Variants in MYO9A observed in about 807,000 individuals in gnomAD.
MYO9A encodes the protein unconventional myosin-IXa.
A neutral mutation model predicts 293.3 loss-of-function variants in MYO9A; 103 were observed. The ratio of observed to expected loss-of-function variants is 0.35; its 90% CI spans 0.30 to 0.41. The LOEUF (loss-of-function observed/expected upper bound fraction) is 0.41. Among genes scored for constraint, MYO9A ranks in the 10% least tolerant of loss-of-function variants. MYO9A has a pLI of 1.00. For synonymous variants in MYO9A, 1,001 were observed against 1,035.7 expected, an observed-to-expected ratio of 0.97 and a Z score of 0.64; for missense variants, 2,685 against 3,033.0, an observed-to-expected ratio of 0.89 and a Z score of 2.69.
chr15:72,024,200 C>T (rs2077591962), intron 4 of MYO9A, among the ~76,000 whole-genome samples: 1 of 152,038 alleles, frequency 6.6e-6, no homozygotes, highest in Non-Finnish European at 1.5e-5. Flanking sequence ...GGATACTAGA[C>T]AAGATTCAAT....
chr15:72,067,182 A>G (rs1477025910), intron 1 of MYO9A, among the ~76,000 whole-genome samples: 1 of 148,876 alleles, frequency 6.7e-6, no homozygotes, highest in Non-Finnish European at 1.5e-5. Flanking sequence ...TAAATATATT[A>G]ATATTATTAC....
intron 18 of MYO9A, among the ~76,000 whole-genome samples, chr15:71,926,961 G>A (rs1262156178): frequency 6.6e-6 from 1 of 152,126 alleles, no homozygotes; most frequent in Non-Finnish European, 1.5e-5. Flanking sequence ...CGTCATCAGG[G>A]GTGGGGATGC....
intron 1 of MYO9A, among the ~76,000 whole-genome samples, chr15:72,096,302 C>T (rs1567034946): frequency 1.3e-5 from 2 of 152,118 alleles, no homozygotes; most frequent in Non-Finnish European, 2.9e-5. Flanking sequence ...CACACCACCG[C>T]ACTCCGGCCT....
chr15:71,879,780 T>A lies in MYO9A; in HGVS notation c.5680A>T (p.Lys1894Ter), dbSNP rs78631419. The change falls in exon 30 of 42, where the codon AAA (lysine) becomes TAA (stop). Residue 1894 changes from lysine (K) to a stop codon, truncating the protein, a stop_gained. Transcript: ENST00000356056. LOFTEE classifies it high-confidence loss of function. ...TGCCGAAATTCCTTCAGGGCTTTTT[T>A]AAATACAACATCCACTAGTGTATCC... ...KKDTLVDVVF[K>*]KALKEFRQNI... 1.2e-6 allele frequency: 2 copies of A among 1,613,910 alleles called. No homozygotes were observed. The highest frequency in any genetic ancestry group is 1.7e-6 in the Non-Finnish European group (2 of 1,179,888).
intron 27 of MYO9A, among the ~76,000 whole-genome samples, chr15:71,886,879 G>T (rs1461793727): frequency 6.6e-6 from 1 of 151,952 alleles, no homozygotes; most frequent in Non-Finnish European, 1.5e-5. Context: ...TTGGTTTCTA[G>T]TATTATCTGC....
rs2076636435 is a variant in MYO9A at position 71,994,409 on chromosome 15, T to C, written c.1587+60A>G. 3.8e-6 allele frequency: 4 copies of C among 1,045,256 alleles called. No homozygotes were observed. In the South Asian group the frequency reaches 6.6e-5, roughly 17 times the overall value. 64.7% of individuals were successfully genotyped at this position (1,045,256 alleles called of 1,614,324 possible). On this transcript the variant is annotated intron_variant, in intron 10 of 41. Transcript: ENST00000356056. ...TTCTGTGTTTTTAAATTTCATGTAT[T>C]AACCAGTTTATTAAAATAGCTTTCA...
intron 11 of MYO9A, among the ~76,000 whole-genome samples, chr15:71,990,312 T>C (rs2076507848): frequency 6.6e-6 from 1 of 151,936 alleles, no homozygotes; most frequent in South Asian, 2.1e-4. Context: ...CTCTAACTCC[T>C]GGGCTCAAGA....
At chr15:71,995,231 G>GT (rs1447605134) in intron 9 of MYO9A, among the ~76,000 whole-genome samples, 1 of 152,186 alleles carries the variant, frequency 6.6e-6, no homozygotes, top group Non-Finnish European at 1.5e-5. Flanking sequence ...GTTACAGTAG[G>GT]TAAGAGTATT....
At chr15:71,842,917 G>T (rs1258774871) in intron 39 of MYO9A, among the ~76,000 whole-genome samples, 1 of 149,712 alleles carries the variant, frequency 6.7e-6, no homozygotes, top group Non-Finnish European at 1.5e-5. Context: ...GTGTATGCAT[G>T]TGTGTGTGTG....
intron 39 of MYO9A, among the ~76,000 whole-genome samples, chr15:71,845,484 C>G (rs978797392): frequency 1.3e-5 from 2 of 152,168 alleles, no homozygotes; most frequent in African/African-American, 4.8e-5. Context: ...TCCTCAAAAC[C>G]ATTTCACAGG....
intron 17 of MYO9A, chr15:71,935,065 A>G (rs1286756485): frequency 1.2e-5 from 3 of 255,894 alleles, no homozygotes; most frequent in Non-Finnish European, 2.2e-5. Flanking sequence ...TGTCTAAACA[A>G]TAAGACCTTT....
chr15:72,057,812 A>C (rs1219996724), intron 1 of MYO9A, among the ~76,000 whole-genome samples: 1 of 152,238 alleles, frequency 6.6e-6, no homozygotes, highest in Non-Finnish European at 1.5e-5. Context: ...TGAGCCACTG[A>C]ATCCAGTTGT....
chr15:71,862,682 C>A, intron 32 of MYO9A, 71 bp from the exon 33 acceptor site: 1 of 959,676 alleles, frequency 1.0e-6, no homozygotes, highest in Admixed American at 2.0e-5. Context: ...GGTGGGAAAT[C>A]CTTCAATCTC....
intron 22 of MYO9A, 32 bp downstream of exon 22, chr15:71,902,909 A>G: frequency 7.0e-7 from 1 of 1,438,356 alleles, no homozygotes; most frequent in Non-Finnish European, 9.3e-7. Context: ...AATGCACTCA[A>G]TTTTGACCAG....
intron 12 of MYO9A, among the ~76,000 whole-genome samples, chr15:71,970,782 T>G (rs2075988790): frequency 6.6e-6 from 1 of 152,220 alleles, no homozygotes; most frequent in African/African-American, 2.4e-5. Context: ...ATAAAGTTCT[T>G]CATTTTATTG....
intron 18 of MYO9A, among the ~76,000 whole-genome samples, chr15:71,917,554 CA>C (rs2058045275): frequency 6.6e-6 from 1 of 151,816 alleles, no homozygotes; most frequent in Admixed American, 6.6e-5. Context: ...ACAAAAAAAC[CA>C]AAGCATAGTC....
At chr15:71,968,424 C>T (rs2075931108) in intron 12 of MYO9A, among the ~76,000 whole-genome samples, 1 of 152,144 alleles carries the variant, frequency 6.6e-6, no homozygotes, top group African/African-American at 2.4e-5. Flanking sequence ...TTGCAGTGTT[C>T]TGAACTACTA....
At chr15:71,981,487 T>C (rs1370462620) in intron 11 of MYO9A, among the ~76,000 whole-genome samples, 1 of 152,258 alleles carries the variant, frequency 6.6e-6, no homozygotes, top group Non-Finnish European at 1.5e-5. Flanking sequence ...CTATTTCTTC[T>C]ATGTCAGTTT....
intron 11 of MYO9A, 30 bp downstream of exon 11, chr15:71,991,073 G>C (rs745914335): frequency 2.2e-5 from 33 of 1,499,966 alleles, no homozygotes; most frequent in African/African-American, 4.3e-5. Context: ...TGTGATGGGG[G>C]GACAAGTGTA....
Sources: gnomAD v4.1 joint callset for allele counts (sites outside exome capture counted in the v4.1 genomes callset) on GRCh38, gnomAD v4.1.1 for gene constraint, MANE v1.5 for transcripts, NCBI Gene and HGNC (gene_info 2026-07-23, HGNC 2026-07-21) for gene names.